The following OSBPL3 variants were observed in gnomAD, a reference collection of about 807,000 sequenced individuals.
OSBPL3 encodes the protein oxysterol-binding protein-related protein 3.
Under a neutral mutation model 120.1 loss-of-function variants are expected in OSBPL3, and 65 were observed. The ratio of observed to expected loss-of-function variants is 0.54; its 90% CI spans 0.44 to 0.67. The LOEUF is 0.67. Ranked by LOEUF, OSBPL3 falls within the 30% of genes least tolerant of loss-of-function variation. The pLI, the probability that OSBPL3 is intolerant of heterozygous loss-of-function variation, is 0.00. For synonymous variants in OSBPL3, 416 were observed against 402.6 expected (o/e 1.03, Z -0.40); for missense variants, 1,004 against 1,082.1 (o/e 0.93, Z 1.01).
intron 2 of OSBPL3, among the ~76,000 whole-genome samples, chr7:24,887,425 G>A (rs1443800743): frequency 6.6e-6 from 1 of 152,188 alleles, no homozygotes; most frequent in Non-Finnish European, 1.5e-5. Flanking sequence ...TTCCAGAACT[G>A]GCCAAAGTAA....
At chr7:24,856,736 C>G (rs1799886181) in intron 10 of OSBPL3, among the ~76,000 whole-genome samples, 1 of 152,172 alleles carries the variant, frequency 6.6e-6, no homozygotes, top group Admixed American at 6.5e-5. Flanking sequence ...GAGCACCTAA[C>G]AAACAGTGAG....
At position 24,797,923 on chromosome 7, in the gene OSBPL3, G is replaced by C. The variant is rs1791892126; in HGVS notation, c.*2260C>G. The stretch of plus-strand genomic sequence containing the variant: ...ATACATTTGGGGGAAAGATGCTTTT[G>C]AGAAAAGGGACAGAAGGAGAAAAGA... On this transcript the variant is annotated 3_prime_UTR_variant, in exon 23 of 23. Coordinates refer to ENST00000313367, the MANE Select transcript of OSBPL3 (RefSeq NM_015550.4). The surrounding 1 kb of genome is among the most constrained non-coding windows in gnomAD (Gnocchi z 4.8). 6.6e-6 allele frequency: 1 copy of C among 152,110 alleles called. No homozygotes were observed. Among genetic ancestry groups the C allele is most frequent in the Non-Finnish European group, 1.5e-5 (1 of 68,030 alleles). The allele number at this position is 152,110 out of a possible 1,614,324, so 9.4% of individuals were successfully genotyped here.
intron 2 of OSBPL3, among the ~76,000 whole-genome samples, chr7:24,876,419 AG>A (rs1802846135): frequency 9.9e-6 from 1 of 100,906 alleles, no homozygotes; most frequent in African/African-American, 3.8e-5. Context: ...TTAACTTCTA[AG>A]GTTTTTTTTT....
In OSBPL3 at chr7:24,834,233, A is replaced by C; in HGVS notation, c.1746+253T>G. The C allele has an allele frequency of 1.6e-6, 2 of 1,217,328 alleles. No homozygotes were observed. The highest frequency in any genetic ancestry group is 2.1e-6 in the Non-Finnish European group (2 of 966,596). 75.4% of individuals were successfully genotyped at this position (1,217,328 alleles called of 1,614,324 possible). On this transcript the variant is annotated intron_variant, in intron 15 of 22. Coordinates refer to ENST00000313367, the MANE Select transcript of OSBPL3 (RefSeq NM_015550.4). This position sits in a 1 kb window ranked among gnomAD's most constrained non-coding sequence, Gnocchi z 5.2. ...GGCTTCTGGAGAAAGAGGAAGCACAAACCCACAGAACAGAACTACCCCAGG... is the reference window on the plus strand; with the variant it reads ...GGCTTCTGGAGAAAGAGGAAGCACACACCCACAGAACAGAACTACCCCAGG...
At chr7:24,951,515 G>A (rs908144574) in intron 1 of OSBPL3, among the ~76,000 whole-genome samples, 2 of 152,088 alleles carry the variant, frequency 1.3e-5, no homozygotes, top group Admixed American at 6.5e-5. Context: ...TTAGATCCAG[G>A]AAAGAAATCT....
intron 16 of OSBPL3, among the ~76,000 whole-genome samples, chr7:24,828,033 C>T (rs1334092894): frequency 6.6e-6 from 1 of 151,158 alleles, no homozygotes; most frequent in African/African-American, 2.4e-5. Flanking sequence ...ATTCTTTTCC[C>T]TTTTTTTTTG....
rs1816218065 is a variant in OSBPL3, at chr7:24,965,062, T to C, written c.-150+14824A>G. ...CCACTAAAGTGCATGAGTTCAGAAGTAGTTAGGGAAGTTATGGAAACCATT... is the reference window on the plus strand; with the variant it reads ...CCACTAAAGTGCATGAGTTCAGAAGCAGTTAGGGAAGTTATGGAAACCATT... On this transcript the variant is annotated intron_variant, in intron 1 of 22. Transcript: ENST00000313367. This position sits in a 1 kb window ranked among gnomAD's most constrained non-coding sequence, Gnocchi z 4.3. Among the ~76,000 whole-genome samples, 1 of 152,236 alleles carries C rather than the reference T, an allele frequency of 6.6e-6. No homozygotes were observed. Among genetic ancestry groups the C allele is most frequent in the Non-Finnish European group, 1.5e-5 (1 of 68,034 alleles).
intron 5 of OSBPL3, among the ~76,000 whole-genome samples, chr7:24,870,153 C>G (rs929613217): frequency 6.6e-6 from 1 of 152,168 alleles, no homozygotes; most frequent in African/African-American, 2.4e-5. Flanking sequence ...GTAGCCACAT[C>G]AAGATTTGAA....
In OSBPL3 at chr7:24,817,955, G is replaced by C. The variant is rs1456930822; in HGVS notation, c.1949-1267C>G. 2.0e-5 allele frequency among the ~76,000 whole-genome samples: 3 copies of C among 152,230 alleles called. No homozygotes were observed. Among genetic ancestry groups the C allele is most frequent in the African/African-American group, 7.2e-5 (3 of 41,458 alleles). ...AGCAAGAGGATCCCATCTGGCTGCTGCACTGAGGATCTACAGATCACAGGG... is the reference window on the plus strand; with the variant it reads ...AGCAAGAGGATCCCATCTGGCTGCTCCACTGAGGATCTACAGATCACAGGG... On this transcript the variant is annotated intron_variant, in intron 17 of 22. Coordinates refer to ENST00000313367, the MANE Select transcript of OSBPL3 (RefSeq NM_015550.4). This position sits in a 1 kb window ranked among gnomAD's most constrained non-coding sequence, Gnocchi z 4.0.
chr7:24,819,071 G>A lies in OSBPL3; in HGVS notation c.1948+1104C>T, dbSNP rs1050571008. Among the ~76,000 whole-genome samples the A allele has an allele frequency of 1.3e-5, 2 of 152,018 alleles. No homozygotes were observed. The highest frequency in any genetic ancestry group is 2.9e-5 in the Non-Finnish European group (2 of 68,002). On this transcript the variant is annotated intron_variant, in intron 17 of 22. Coordinates refer to ENST00000313367, the MANE Select transcript of OSBPL3 (RefSeq NM_015550.4). This position sits in a 1 kb window ranked among gnomAD's most constrained non-coding sequence, Gnocchi z 4.1. ...AGATCAAGACCATCCTGGCCAACAT[G>A]GTGAAACCCCATCTCTACTAAAAAT...
Position 24,866,137 on chromosome 7 carries a change from T to A in OSBPL3, c.482A>T (p.His161Leu). ...TGTGATGGTGGACCCTGAGAAAAAG[T>A]GGTTAACTTCATGTGGAAACATGGC... ...EIAMFPHEVNHFFSGSTITDS... is the reference protein window; with the variant it reads ...EIAMFPHEVNLFFSGSTITDS... Residue 161 changes from histidine to leucine, a missense_variant, in exon 6 of 23, where the codon CAC (histidine) becomes CTC (leucine). Around this residue, in one of 4 missense-constraint regions of OSBPL3, gnomAD observed 255 missense variants for 248.7 expected, o/e 1.03. Coordinates refer to ENST00000313367, the MANE Select transcript of OSBPL3 (RefSeq NM_015550.4). 1.2e-6 allele frequency: 2 copies of A among 1,613,628 alleles called. No homozygotes were observed.
At chr7:24,926,962 G>A (rs1397440984) in intron 1 of OSBPL3, among the ~76,000 whole-genome samples, 7 of 152,202 alleles carry the variant, frequency 4.6e-5, no homozygotes, top group African/African-American at 1.7e-4. Flanking sequence ...GCATTATTTT[G>A]AGTTGAATGG....
In OSBPL3 at chr7:24,809,703, C is replaced by T. The variant is rs1793524503; in HGVS notation, c.2317+104G>A. 3 of 1,047,956 alleles carry T rather than the reference C, an allele frequency of 2.9e-6. No homozygotes were observed. In the East Asian group the frequency reaches 7.7e-5, roughly 27 times the overall value. The allele number at this position is 1,047,956 out of a possible 1,614,324, so 64.9% of individuals were successfully genotyped here. On this transcript the variant is annotated intron_variant, in intron 20 of 22. Coordinates refer to ENST00000313367, the MANE Select transcript of OSBPL3 (RefSeq NM_015550.4). Reference sequence around the variant, plus strand: ...CTAACCTAGTTCAAAGCAGAAGAGGCTGGAGATGCTGAACAGACACTACTC... The same window carrying T: ...CTAACCTAGTTCAAAGCAGAAGAGGTTGGAGATGCTGAACAGACACTACTC...
At position 24,862,484 on chromosome 7, in the gene OSBPL3, T is replaced by C. The variant is rs868695997; in HGVS notation, c.871-715A>G. ...AGGGCTTCTACAAAACAAATGACCTTCATTTGTACATGGAACATTCTTTAC... is the reference window on the plus strand; with the variant it reads ...AGGGCTTCTACAAAACAAATGACCTCCATTTGTACATGGAACATTCTTTAC... On this transcript the variant is annotated intron_variant, in intron 9 of 22. Transcript: ENST00000313367. This position sits in a 1 kb window ranked among gnomAD's most constrained non-coding sequence, Gnocchi z 4.4. Among the ~76,000 whole-genome samples the C allele has an allele frequency of 5.9e-5, 9 of 152,176 alleles. No individual in the cohort carries two copies. The highest frequency in any genetic ancestry group is 3.3e-4 in the Admixed American group (5 of 15,270).
Position 24,884,425 on chromosome 7 carries a change from T to TC in OSBPL3, c.96+7951_96+7952insG, listed in dbSNP as rs1411093394. Among the ~76,000 whole-genome samples, 12 of 152,166 alleles carry TC rather than the reference T, an allele frequency of 7.9e-5. No individual in the cohort carries two copies. The East Asian group carries it at 2.3e-3, about 30-fold the overall frequency. On this transcript the variant is annotated intron_variant, in intron 2 of 22. Coordinates refer to ENST00000313367, the MANE Select transcript of OSBPL3 (RefSeq NM_015550.4). ...TGAGTTGTGCTGAGACTCCAAAGGG[T>TC]AGCATGAAAGGATATTATGAGCTGT...
upstream of OSBPL3, among the ~76,000 whole-genome samples, chr7:24,980,924 T>C (rs1818271255): frequency 6.6e-6 from 1 of 152,062 alleles, no homozygotes; most frequent in Non-Finnish European, 1.5e-5. Context: ...ATGGCCTTCT[T>C]TGATCCTAGG....
chr7:24,827,291 T>C lies in OSBPL3; in HGVS notation c.1884+3477A>G, dbSNP rs886161108. On this transcript the variant is annotated intron_variant, in intron 16 of 22. Coordinates refer to ENST00000313367, the MANE Select transcript of OSBPL3 (RefSeq NM_015550.4). The surrounding 1 kb of genome is among the most constrained non-coding windows in gnomAD (Gnocchi z 5.1). ...CCTGGGCTGGAGGCAGAAAGAGCCA[T>C]ACCAGGTACCAGCAGGAAACAGAAT... Among the ~76,000 whole-genome samples the C allele has an allele frequency of 2.0e-5, 3 of 152,184 alleles. No individual in the cohort carries two copies. Among genetic ancestry groups the C allele is most frequent in the Non-Finnish European group, 2.9e-5 (2 of 68,034 alleles).
intron 1 of OSBPL3, among the ~76,000 whole-genome samples, chr7:24,917,349 A>G (rs868111005): frequency 2.8e-5 from 4 of 144,036 alleles, no homozygotes; most frequent in Non-Finnish European, 4.5e-5. Flanking sequence ...AAAAACCCAA[A>G]TATTGATATC....
At position 24,872,144 on chromosome 7, in the gene OSBPL3, G is replaced by T; in HGVS notation, c.97-75C>A. ...ATAATGGTAAAAAGCACTGCATCCT[G>T]TCAGTAAATTTATTCAAGATGGGGA... On this transcript the variant is annotated intron_variant, in intron 2 of 22. Transcript: ENST00000313367. This position sits in a 1 kb window ranked among gnomAD's most constrained non-coding sequence, Gnocchi z 4.1. 2 of 1,044,230 alleles carry T rather than the reference G, an allele frequency of 1.9e-6. No individual in the cohort carries two copies. Among genetic ancestry groups the T allele is most frequent in the Non-Finnish European group, 3.0e-6 (2 of 670,020 alleles). 64.7% of individuals were successfully genotyped at this position (1,044,230 alleles called of 1,614,324 possible).
Sources: allele counts gnomAD v4.1 joint callset (sites outside exome capture counted in the v4.1 genomes callset), GRCh38; gene constraint gnomAD v4.1.1; regional missense constraint gnomAD v4.1.1; non-coding constraint Gnocchi (gnomAD v3.1); transcripts MANE v1.5; gene names NCBI Gene and HGNC (gene_info 2026-07-23, HGNC 2026-07-21).